Variants in CCDC102B observed in about 807,000 individuals in gnomAD.
CCDC102B encodes coiled-coil domain containing 102B.
CCDC102B carries 75 observed loss-of-function variants against 57.4 expected under a neutral mutation model. That is an observed-to-expected ratio of 1.31 (90% CI 1.08 to 1.58). CCDC102B has a LOEUF of 1.58. CCDC102B is among the 40% of genes most tolerant of loss of function. The pLI, the probability that CCDC102B is intolerant of heterozygous loss-of-function variation, is 0.00. For synonymous variants in CCDC102B, 206 were observed against 201.9 expected (o/e 1.02, Z -0.17); for missense variants, 636 against 582.6 (o/e 1.09, Z -0.94).
intron 1 of CCDC102B, among the ~76,000 whole-genome samples, chr18:68,820,560 A>T (rs940693208): frequency 5.9e-5 from 9 of 152,190 alleles, no homozygotes; most frequent in Non-Finnish European, 1.2e-4. Context: ...GGCATGTGTT[A>T]ACTCTTTTTT....
At chr18:69,026,476 A>C (rs1057388368) in intron 7 of CCDC102B, among the ~76,000 whole-genome samples, 10 of 148,472 alleles carry the variant, frequency 6.7e-5, no homozygotes, top group South Asian at 2.1e-4. Context: ...AAAAAAAAAA[A>C]CCCCAGAGAA....
At chr18:68,790,178 T>C (rs2035384871) in intron 2 of CCDC102B, among the ~76,000 whole-genome samples, 1 of 151,192 alleles carries the variant, frequency 6.6e-6, no homozygotes. Context: ...GAGGAGGCAG[T>C]CTGCCCATTC....
intron 1 of CCDC102B, among the ~76,000 whole-genome samples, chr18:68,832,708 A>G (rs573727746): frequency 5.2e-4 from 79 of 152,174 alleles, no homozygotes; most frequent in African/African-American, 1.9e-3. Flanking sequence ...TTCTCAGATC[A>G]CGGGTTTAGT....
chr18:69,029,074 A>G (rs1334220454), intron 7 of CCDC102B, among the ~76,000 whole-genome samples: 2 of 152,164 alleles, frequency 1.3e-5, no homozygotes, highest in Non-Finnish European at 2.9e-5. Flanking sequence ...ATCTCTCTAC[A>G]TAGAATGTAT....
intron 2 of CCDC102B, among the ~76,000 whole-genome samples, chr18:68,740,744 C>G (rs138497837): frequency 7.4e-4 from 113 of 152,262 alleles, no homozygotes; most frequent in Non-Finnish European, 1.3e-3. Context: ...ATCCCTCACA[C>G]TAACCTAGGC....
intron 6 of CCDC102B, among the ~76,000 whole-genome samples, chr18:68,995,123 C>T (rs1268597070): frequency 1.3e-5 from 2 of 152,124 alleles, no homozygotes; most frequent in Non-Finnish European, 2.9e-5. Context: ...AGGGGACTGG[C>T]AGCATTTTGC....
intron 6 of CCDC102B, among the ~76,000 whole-genome samples, chr18:68,979,298 A>T (rs921470559): frequency 2.0e-5 from 3 of 152,056 alleles, no homozygotes; most frequent in African/African-American, 7.2e-5. Context: ...TTTCTGGAGA[A>T]AATATCAAAG....
intron 7 of CCDC102B, among the ~76,000 whole-genome samples, 193 bp from the exon 8 acceptor site, chr18:69,053,837 A>G (rs1281527308): frequency 6.6e-6 from 1 of 152,004 alleles, no homozygotes; most frequent in Non-Finnish European, 1.5e-5. Context: ...CTAAATGTGT[A>G]CATTGTAGAC....
intron 2 of CCDC102B, among the ~76,000 whole-genome samples, chr18:68,792,934 T>G (rs2035509826): frequency 1.3e-5 from 2 of 152,222 alleles, no homozygotes; most frequent in Admixed American, 6.5e-5. Flanking sequence ...ATTATTCCTA[T>G]TTTTAAAATA....
intron 4 of CCDC102B, among the ~76,000 whole-genome samples, chr18:68,853,227 A>G (rs1030997761): frequency 6.6e-6 from 1 of 152,166 alleles, no homozygotes; most frequent in Non-Finnish European, 1.5e-5. Flanking sequence ...AATGTACTTG[A>G]TAATGCACCA....
chr18:68,765,375 A>AAGAAAGAAAGAG (rs1568239043), intron 2 of CCDC102B, among the ~76,000 whole-genome samples: 2 of 143,810 alleles, frequency 1.4e-5, no homozygotes, highest in Non-Finnish European at 3.1e-5. Flanking sequence ...GAAAGAAAGA[A>AAGAAAGAAAGAG]AGAAAAGAAA....
intron 6 of CCDC102B, among the ~76,000 whole-genome samples, chr18:68,906,778 A>G (rs1313846093): frequency 6.0e-5 from 9 of 150,244 alleles, no homozygotes; most frequent in African/African-American, 1.5e-4. Context: ...CCCATTGTTT[A>G]TGTCATATTT....
At chr18:69,019,680 CACTT>C (rs1599857740) in intron 7 of CCDC102B, among the ~76,000 whole-genome samples, 1 of 152,014 alleles carries the variant, frequency 6.6e-6, no homozygotes, top group East Asian at 1.9e-4. Context: ...AACAGAGATA[CACTT>C]ACTTCTTTTC....
chr18:68,857,170 A>AT (rs1327671098), intron 4 of CCDC102B, among the ~76,000 whole-genome samples: 1 of 38,610 alleles, frequency 2.6e-5, no homozygotes, highest in South Asian at 1.1e-3. Context: ...ATTTTTATAT[A>AT]ATATATAAAA....
chr18:68,898,184 G>A (rs988206823), intron 6 of CCDC102B, among the ~76,000 whole-genome samples: 3 of 151,876 alleles, frequency 2.0e-5, no homozygotes, highest in Admixed American at 2.0e-4. Flanking sequence ...ATTATATATA[G>A]CATCTTAATG....
chr18:68,914,187 G>A (rs1335377477), intron 6 of CCDC102B, among the ~76,000 whole-genome samples: 1 of 152,182 alleles, frequency 6.6e-6, no homozygotes, highest in African/African-American at 2.4e-5. Context: ...TCTATTCCCT[G>A]CTGCAGTCAC....
Position 68,838,708 on chromosome 18 carries a change from A to G in CCDC102B, c.609A>G (p.Glu203=). The part of the protein sequence containing the change: ...FSTKEDTNNK[E]QGVVIDSLKL... ...GTTTTGTTTTGTTTTGTCTTCAGGA[A>G]CAAGGTGTGGTTATTGATTCTCTAA... Residue 203 remains glutamate, a splice_region_variant and synonymous_variant, in exon 3 of 8, where the codon GAA becomes GAG. Transcript: ENST00000360242. The G allele has an allele frequency of 1.2e-6, 2 of 1,613,388 alleles. No homozygotes were observed. Among genetic ancestry groups the G allele is most frequent in the East Asian group, 2.2e-5 (1 of 44,800 alleles).
intron 4 of CCDC102B, chr18:68,866,706 T>C (rs2038998140): frequency 3.9e-6 from 2 of 518,264 alleles, no homozygotes; most frequent in South Asian, 3.3e-5. Context: ...TTTGGCCTCT[T>C]CTCATGACGA....
chr18:68,842,284 G>A (rs2037669078), intron 3 of CCDC102B, among the ~76,000 whole-genome samples: 1 of 151,142 alleles, frequency 6.6e-6, no homozygotes, highest in Admixed American at 6.6e-5. Context: ...TGCAAATCTG[G>A]TTAATACTAT....
Sources: gnomAD v4.1 joint callset for allele counts (sites outside exome capture counted in the v4.1 genomes callset) on GRCh38, gnomAD v4.1.1 for gene constraint, MANE v1.5 for transcripts, NCBI Gene and HGNC (gene_info 2026-07-23, HGNC 2026-07-21) for gene names.